HSPA12A: variants seen among roughly 807,000 people sequenced by gnomAD.
HSPA12A encodes the protein heat shock 70 kDa protein 12A.
HSPA12A carries 28 observed loss-of-function variants against 69.2 expected under a neutral mutation model. The ratio of observed to expected loss-of-function variants is 0.40; its 90% CI spans 0.30 to 0.55. The LOEUF (loss-of-function observed/expected upper bound fraction) is 0.55, where lower values mean the gene tolerates loss of function less well. Among genes scored for constraint, HSPA12A ranks in the 20% least tolerant of loss-of-function variants. The pLI is 0.38. For synonymous variants in HSPA12A, 345 were observed against 370.5 expected, an observed-to-expected ratio of 0.93 and a Z score of 0.79; for missense variants, 686 against 900.7, an observed-to-expected ratio of 0.76 and a Z score of 3.05.
chr10:116,774,714 C>T (rs1554890916), intron 2 of HSPA12A, among the ~76,000 whole-genome samples: 1 of 152,154 alleles, frequency 6.6e-6, no homozygotes, highest in African/African-American at 2.4e-5. Flanking sequence ...CCTTCATTCA[C>T]CCACCAGAAA....
chr10:116,682,557 A>C (rs1028398910), intron 7 of HSPA12A, among the ~76,000 whole-genome samples: 1 of 152,104 alleles, frequency 6.6e-6, no homozygotes, highest in Non-Finnish European at 1.5e-5. Flanking sequence ...CTTTTCCATG[A>C]ACACAGGGAC....
At chr10:116,834,918 ATTAG>A (rs1589732645) in intron 2 of HSPA12A, 1 of 1,214,638 alleles carries the variant, frequency 8.2e-7, no homozygotes, top group Admixed American at 4.2e-5. Context: ...ACTTACACAC[ATTAG>A]TTAATTTCCT....
At chr10:116,790,050 T>C (rs1650311731) in intron 2 of HSPA12A, among the ~76,000 whole-genome samples, 1 of 149,500 alleles carries the variant, frequency 6.7e-6, no homozygotes. Flanking sequence ...GGTCCTCCCA[T>C]GGCCCAGGAA....
intron 1 of HSPA12A, among the ~76,000 whole-genome samples, chr10:116,848,384 C>T (rs1589740548): frequency 6.6e-6 from 1 of 152,238 alleles, no homozygotes; most frequent in East Asian, 1.9e-4. Flanking sequence ...TGCACCCATA[C>T]GTGCATGTAT....
intron 2 of HSPA12A, among the ~76,000 whole-genome samples, chr10:116,748,096 G>C (rs935601486): frequency 1.3e-5 from 2 of 152,220 alleles, no homozygotes; most frequent in Admixed American, 1.3e-4. Flanking sequence ...CAGAGCTACG[G>C]TCAAACTCAG....
At position 116,707,651 on chromosome 10, in the gene HSPA12A, A is replaced by G. The variant is rs76752805; in HGVS notation, c.41-366T>C. 9.3e-4 allele frequency among the ~76,000 whole-genome samples: 142 copies of G among 152,318 alleles called. 2 individuals carry two copies. In the East Asian group the frequency reaches 0.025, roughly 27 times the overall value. ...TCCATGATGGACTAGCAGGACCTGTAGCCACCTGAAATTATGTCAAATTTT... is the reference window on the plus strand; with the variant it reads ...TCCATGATGGACTAGCAGGACCTGTGGCCACCTGAAATTATGTCAAATTTT... On this transcript the variant is annotated intron_variant, in intron 1 of 11. Coordinates refer to ENST00000369209, the MANE Select transcript of HSPA12A (RefSeq NM_025015.3).
In HSPA12A at chr10:116,707,187, ACACAC is replaced by A. The variant is rs868970173; in HGVS notation, c.126+8_126+12del. 4 of 1,567,120 alleles carry A rather than the reference ACACAC, an allele frequency of 2.6e-6. No individual in the cohort carries two copies. Among genetic ancestry groups the A allele is most frequent in the Non-Finnish European group, 3.5e-6 (4 of 1,147,340 alleles). Reference sequence around the variant, plus strand: ...CACACACACACACACACACACACACACACACTTCTTACCACAATATGGGAGGGGGA... The same window carrying A: ...CACACACACACACACACACACACACATTCTTACCACAATATGGGAGGGGGA... On this transcript the variant is annotated splice_region_variant and intron_variant, in intron 2 of 11. Transcript: ENST00000369209.
intron 2 of HSPA12A, among the ~76,000 whole-genome samples, chr10:116,833,799 C>T (rs1268441818): frequency 6.6e-6 from 1 of 152,188 alleles, no homozygotes. Context: ...TTCAGGGCTA[C>T]ACAGAGTTTT....
Position 116,682,435 on chromosome 10 carries a change from T to TGCAC in HSPA12A, c.836-562_836-559dup, listed in dbSNP as rs142122289. Reference sequence around the variant, plus strand: ...GAATTTGGGGTGTGTTTTCCTAACATGCACCCTGGGTAAATAGACTGGGGG... The same window carrying TGCAC: ...GAATTTGGGGTGTGTTTTCCTAACATGCACGCACCCTGGGTAAATAGACTGGGGG... On this transcript the variant is annotated intron_variant, in intron 7 of 11. Coordinates refer to ENST00000369209, the MANE Select transcript of HSPA12A (RefSeq NM_025015.3). Among the ~76,000 whole-genome samples, 466 of 144,008 alleles carry TGCAC rather than the reference T, an allele frequency of 3.2e-3. 4 individuals are homozygous for TGCAC. Among genetic ancestry groups the TGCAC allele is most frequent in the African/African-American group, 0.012 (450 of 38,698 alleles). 94.5% of individuals were successfully genotyped at this position (144,008 alleles called of 152,430 possible).
upstream of HSPA12A, chr10:116,742,656 C>A (rs1177472586): frequency 2.1e-6 from 2 of 967,396 alleles, no homozygotes; most frequent in African/African-American, 3.5e-5. Context: ...CGCCCGGCGC[C>A]CCGCCCCTCC....
intron 2 of HSPA12A, among the ~76,000 whole-genome samples, chr10:116,780,573 G>A (rs1212503784): frequency 6.6e-6 from 1 of 151,636 alleles, no homozygotes; most frequent in African/African-American, 2.4e-5. Context: ...TAGATATGGT[G>A]TCTACCTATG....
chr10:116,740,961 TAAAAAA>T (rs5788190), intron 1 of HSPA12A, among the ~76,000 whole-genome samples: 2 of 84,708 alleles, frequency 2.4e-5, no homozygotes, highest in African/African-American at 4.7e-5. Flanking sequence ...AGGAAAAAAG[TAAAAAA>T]AAAAAAAAAA....
intron 6 of HSPA12A, among the ~76,000 whole-genome samples, chr10:116,690,454 G>A (rs150209709): frequency 1.2e-3 from 190 of 152,240 alleles, no homozygotes; most frequent in Non-Finnish European, 2.1e-3. Flanking sequence ...TCCACTCAGC[G>A]GCTGTCAATG....
chr10:116,734,354 G>A (rs1166144084), intron 1 of HSPA12A, among the ~76,000 whole-genome samples: 2 of 151,600 alleles, frequency 1.3e-5, no homozygotes, highest in Non-Finnish European at 1.5e-5. Flanking sequence ...GGAAGCTGAG[G>A]CAGAAGAATC....
At chr10:116,772,864 A>G (rs1295450879) in intron 2 of HSPA12A, among the ~76,000 whole-genome samples, 4 of 151,186 alleles carry the variant, frequency 2.6e-5, no homozygotes, top group Non-Finnish European at 4.4e-5. Flanking sequence ...CTGGCTGATT[A>G]TTATTATTAT....
intron 1 of HSPA12A, among the ~76,000 whole-genome samples, chr10:116,736,466 T>A (rs1463983536): frequency 6.6e-6 from 1 of 152,186 alleles, no homozygotes; most frequent in Non-Finnish European, 1.5e-5. Flanking sequence ...TACCGATGAC[T>A]ATGTTATCTC....
intron 2 of HSPA12A, among the ~76,000 whole-genome samples, chr10:116,794,488 C>T (rs183763334): frequency 6.6e-6 from 1 of 152,214 alleles, no homozygotes; most frequent in East Asian, 1.9e-4. Context: ...TCTTTGATCA[C>T]AATTCATACA....
At chr10:116,761,525 T>C (rs1843972370) in intron 2 of HSPA12A, among the ~76,000 whole-genome samples, 1 of 150,162 alleles carries the variant, frequency 6.7e-6, no homozygotes. Context: ...CCAGGCTAAC[T>C]AGTGAGGAAC....
rs567205648 is a variant in HSPA12A at position 116,707,113 on chromosome 10, G to A, written c.126+87C>T. 17 of 1,069,700 alleles carry A rather than the reference G, an allele frequency of 1.6e-5. No individual in the cohort carries two copies. In the East Asian group the frequency reaches 3.0e-4, roughly 19 times the overall value. 66.3% of individuals were successfully genotyped at this position (1,069,700 alleles called of 1,614,324 possible). The stretch of plus-strand genomic sequence containing the variant: ...TGTGAGATCAGACCCAGAATGCAAA[G>A]GAAGTCAGTACGCACGTGTGCTCAT... On this transcript the variant is annotated intron_variant, in intron 2 of 11. Transcript: ENST00000369209.
Sources: allele counts gnomAD v4.1 joint callset (sites outside exome capture counted in the v4.1 genomes callset), GRCh38; gene constraint gnomAD v4.1.1; transcripts MANE v1.5; gene names NCBI Gene and HGNC (gene_info 2026-07-23, HGNC 2026-07-21).